ADK: variants seen among roughly 807,000 people sequenced by gnomAD.
ADK encodes adenosine kinase.
ADK carries 24 observed loss-of-function variants against 44.7 expected under a neutral mutation model. The observed-to-expected ratio is 0.54, with a 90% CI of 0.39 to 0.76. The LOEUF (loss-of-function observed/expected upper bound fraction) is 0.76, where lower values mean the gene tolerates loss of function less well. Ranked by LOEUF, ADK falls within the 30% of genes least tolerant of loss-of-function variation. The probability of loss-of-function intolerance (pLI) is 0.00; values close to 1 mark genes in which losing one functional copy is unlikely to be tolerated. For synonymous variants in ADK, 128 were observed against 142.6 expected (o/e 0.90, Z 0.73); for missense variants, 321 against 425.1 (o/e 0.76, Z 2.15).
rs956971098 is a variant in ADK at position 74,442,326 on chromosome 10, C to T, written c.555+43747C>T. 3.3e-5 allele frequency among the ~76,000 whole-genome samples: 5 copies of T among 151,988 alleles called. 1 individual carries two copies. The highest frequency in any genetic ancestry group is 3.3e-4 in the Admixed American group (5 of 15,262). On this transcript the variant is annotated intron_variant, in intron 6 of 10. Transcript: ENST00000539909. ...TTAAAAACAGAACTACTATATAATC[C>T]AACAATCTCATTTTTGGATATAAAT...
At chr10:74,701,663 G>A (rs1030837799) in intron 10 of ADK, among the ~76,000 whole-genome samples, 5 of 152,186 alleles carry the variant, frequency 3.3e-5, no homozygotes, top group African/African-American at 4.8e-5. Context: ...AAGAATTGTG[G>A]GCCAAGCATG....
chr10:74,548,786 T>A (rs1337034628), intron 7 of ADK, among the ~76,000 whole-genome samples: 1 of 152,232 alleles, frequency 6.6e-6, no homozygotes, highest in Non-Finnish European at 1.5e-5. Flanking sequence ...TACACTGTAG[T>A]CACTCAATAA....
In ADK at chr10:74,708,369, G is replaced by C; in HGVS notation, c.1013G>C (p.Arg338Pro). The change falls in exon 11 of 11, where the codon CGT (arginine) becomes CCT (proline). Residue 338 changes from arginine to proline, a missense_variant. Transcript: ENST00000539909. ...VSDKPLTECI[R>P]AGHYAASIII... is the part of the protein sequence containing the mutation. Reference sequence around the variant, plus strand: ...GACAAGCCTCTGACTGAATGTATCCGTGCTGGCCACTATGCAGCAAGCATC... The same window carrying C: ...GACAAGCCTCTGACTGAATGTATCCCTGCTGGCCACTATGCAGCAAGCATC... The C allele has an allele frequency of 6.2e-7, 1 of 1,612,300 alleles. No homozygotes were observed. Among genetic ancestry groups the C allele is most frequent in the Non-Finnish European group, 8.5e-7 (1 of 1,179,486 alleles).
chr10:74,562,181 T>C (rs1190554230), intron 7 of ADK, among the ~76,000 whole-genome samples: 1 of 152,198 alleles, frequency 6.6e-6, no homozygotes, highest in African/African-American at 2.4e-5. Flanking sequence ...AAAACATAGT[T>C]ACAGGGGAAG....
At chr10:74,677,765 G>A (rs1855444744) in intron 10 of ADK, among the ~76,000 whole-genome samples, 1 of 151,886 alleles carries the variant, frequency 6.6e-6, no homozygotes, top group African/African-American at 2.4e-5. Context: ...CATCTTCTCT[G>A]TTTTATTTCT....
rs1853503264 is a variant in ADK, at chr10:74,633,256, TC to T, written c.877+32765del. ...ACTGAATGTCAGCTATACACATTGT[TC>T]CACACCTTGCCTTTTTGCTTAATAT... On this transcript the variant is annotated intron_variant, in intron 9 of 10. Coordinates refer to ENST00000539909, the MANE Select transcript of ADK (RefSeq NM_006721.4). 4.6e-5 allele frequency among the ~76,000 whole-genome samples: 7 copies of T among 152,226 alleles called. No individual in the cohort carries two copies. The South Asian group carries it at 1.4e-3, about 32-fold the overall frequency.
At chr10:74,590,908 A>C (rs1851694818) in intron 8 of ADK, among the ~76,000 whole-genome samples, 1 of 152,164 alleles carries the variant, frequency 6.6e-6, no homozygotes, top group African/African-American at 2.4e-5. Flanking sequence ...TTGATACATC[A>C]GAATTCTCCA....
At chr10:74,291,406 G>C (rs1048860409) in intron 3 of ADK, among the ~76,000 whole-genome samples, 2 of 152,118 alleles carry the variant, frequency 1.3e-5, no homozygotes. Flanking sequence ...GACAGAGTGA[G>C]ACTCCGTCTC....
intron 10 of ADK, among the ~76,000 whole-genome samples, chr10:74,706,412 C>T (rs1422196575): frequency 6.6e-6 from 1 of 152,158 alleles, no homozygotes; most frequent in Non-Finnish European, 1.5e-5. Flanking sequence ...TTATTCCTTA[C>T]ATTTATGTCT....
At chr10:74,514,747 A>G (rs1411520798) in intron 6 of ADK, among the ~76,000 whole-genome samples, 2 of 151,724 alleles carry the variant, frequency 1.3e-5, no homozygotes, top group Non-Finnish European at 2.9e-5. Context: ...CCCACATTTC[A>G]TATATTTCCT....
intron 6 of ADK, among the ~76,000 whole-genome samples, chr10:74,417,991 A>G (rs1014807229): frequency 2.0e-5 from 3 of 152,162 alleles, no homozygotes; most frequent in Non-Finnish European, 4.4e-5. Context: ...GCATATTTAT[A>G]TATACAAATA....
chr10:74,203,821 G>A, intron 2 of ADK, among the ~76,000 whole-genome samples: 1 of 151,402 alleles, frequency 6.6e-6, no homozygotes, highest in Non-Finnish European at 1.5e-5. Context: ...ATGAATTTTT[G>A]GGGATAGCTT....
chr10:74,323,854 G>A (rs1266145647), intron 4 of ADK, among the ~76,000 whole-genome samples: 4 of 152,056 alleles, frequency 2.6e-5, no homozygotes, highest in Non-Finnish European at 5.9e-5. Flanking sequence ...ACAGGTGTGA[G>A]CCACCGCTCC....
chr10:74,323,574 CTT>C (rs869227224), intron 4 of ADK, among the ~76,000 whole-genome samples: 12 of 143,654 alleles, frequency 8.4e-5, no homozygotes, highest in African/African-American at 7.6e-5. Context: ...CTTTTCTTTT[CTT>C]TTTTTTTTTT....
At position 74,398,721 on chromosome 10, in the gene ADK, A is replaced by G. The variant is rs541686666; in HGVS notation, c.555+142A>G. The stretch of plus-strand genomic sequence containing the variant: ...TCTCAAAGCATATGTTAGATTCACT[A>G]TTGTGAAAATAGAACAGAAATCATT... On this transcript the variant is annotated intron_variant, in intron 6 of 10. Transcript: ENST00000539909. 5 of 505,672 alleles carry G rather than the reference A, an allele frequency of 9.9e-6. No individual in the cohort carries two copies. The East Asian group carries it at 1.3e-4, about 13-fold the overall frequency. 31.3% of individuals were successfully genotyped at this position (505,672 alleles called of 1,614,324 possible).
intron 3 of ADK, among the ~76,000 whole-genome samples, chr10:74,310,684 A>T (rs1840403488): frequency 6.6e-6 from 1 of 152,158 alleles, no homozygotes; most frequent in African/African-American, 2.4e-5. Flanking sequence ...GAGTTTAATA[A>T]TTTCTAGTAG....
chr10:74,392,335 G>A (rs1370643720), intron 4 of ADK, among the ~76,000 whole-genome samples: 1 of 152,036 alleles, frequency 6.6e-6, no homozygotes, highest in African/African-American at 2.4e-5. Context: ...TTTGTTTTCT[G>A]TGTTTTCGGT....
intron 10 of ADK, among the ~76,000 whole-genome samples, chr10:74,682,074 C>A (rs1157405437): frequency 1.3e-5 from 2 of 152,104 alleles, no homozygotes; most frequent in African/African-American, 2.4e-5. Context: ...AAATCAAATA[C>A]TGACTCAGTG....
At chr10:74,407,069 A>C (rs903423699) in intron 6 of ADK, among the ~76,000 whole-genome samples, 2 of 145,312 alleles carry the variant, frequency 1.4e-5, no homozygotes, top group Non-Finnish European at 1.5e-5. Flanking sequence ...TGCAACCCCC[A>C]CCTCAGCCTC....
Sources: gnomAD v4.1 joint callset for allele counts (sites outside exome capture counted in the v4.1 genomes callset) on GRCh38, gnomAD v4.1.1 for gene constraint, MANE v1.5 for transcripts, NCBI Gene and HGNC (gene_info 2026-07-23, HGNC 2026-07-21) for gene names.